Variants in ATXN10 observed in about 807,000 individuals in gnomAD.
The protein encoded by ATXN10 is ataxin 10.
Under a neutral mutation model 52.9 loss-of-function variants are expected in ATXN10, and 28 were observed. That is an observed-to-expected ratio of 0.53 (90% confidence interval 0.39 to 0.73). ATXN10 has a LOEUF of 0.73. Among genes scored for constraint, ATXN10 ranks in the 30% least tolerant of loss-of-function variants. The pLI, the probability that ATXN10 is intolerant of heterozygous loss-of-function variation, is 0.00. For synonymous variants in ATXN10, 226 were observed against 221.5 expected (o/e 1.02, Z -0.18); for missense variants, 565 against 577.0 (o/e 0.98, Z 0.21).
In ATXN10 at chr22:45,696,949, C is replaced by T. The variant is rs1923632193; in HGVS notation, c.392-3333C>T. 6.6e-6 allele frequency among the ~76,000 whole-genome samples: 1 copy of T among 152,170 alleles called. No homozygotes were observed. Among genetic ancestry groups the T allele is most frequent in the Admixed American group, 6.5e-5 (1 of 15,286 alleles). ...ATTCACTAGGCAGAGAGGGCAGATTCTTACAGACCTGTTACATGTTAGCTG... is the reference window on the plus strand; with the variant it reads ...ATTCACTAGGCAGAGAGGGCAGATTTTTACAGACCTGTTACATGTTAGCTG... On this transcript the variant is annotated intron_variant, in intron 3 of 11. Transcript: ENST00000252934. The surrounding 1 kb of genome is among the most constrained non-coding windows in gnomAD (Gnocchi z 4.7).
At chr22:45,743,661 C>G (rs561520833) in intron 9 of ATXN10, among the ~76,000 whole-genome samples, 3 of 152,160 alleles carry the variant, frequency 2.0e-5, no homozygotes, top group Non-Finnish European at 1.5e-5. Context: ...TATCATCTAG[C>G]CTAATTTGGG....
chr22:45,788,379 A>G (rs1276869070), intron 9 of ATXN10, among the ~76,000 whole-genome samples: 1 of 151,474 alleles, frequency 6.6e-6, no homozygotes, highest in East Asian at 1.9e-4. Flanking sequence ...GACTCTTAGA[A>G]TCTTCCAGTT....
At chr22:45,724,325 C>T (rs913998936) in intron 6 of ATXN10, among the ~76,000 whole-genome samples, 2 of 152,244 alleles carry the variant, frequency 1.3e-5, no homozygotes, top group East Asian at 1.9e-4. Context: ...TCCATGGCAA[C>T]ATCTGTTGTT....
In ATXN10 at chr22:45,823,530, A is replaced by G. The variant is rs1037590382; in HGVS notation, c.1237+16508A>G. 1.3e-5 allele frequency among the ~76,000 whole-genome samples: 2 copies of G among 152,054 alleles called. No homozygotes were observed. Among genetic ancestry groups the G allele is most frequent in the East Asian group, 1.9e-4 (1 of 5,188 alleles). The stretch of plus-strand genomic sequence containing the variant: ...CTGCAGGACCGCCTTGTCATAAATC[A>G]TTGTCCTACAGGCATGATTCTGTTT... On this transcript the variant is annotated intron_variant, in intron 10 of 11. Transcript: ENST00000252934. This position sits in a 1 kb window ranked among gnomAD's most constrained non-coding sequence, Gnocchi z 4.9.
rs972475153 is a variant in ATXN10, at chr22:45,775,273, T to C, written c.1174-31686T>C. ...AGGCTACTGGTCCTGGGCATGGGGC[T>C]GTGTCCCTGTCCCTGTGTTCACATC... On this transcript the variant is annotated intron_variant, in intron 9 of 11. Coordinates refer to ENST00000252934, the MANE Select transcript of ATXN10 (RefSeq NM_013236.4). The surrounding 1 kb of genome is among the most constrained non-coding windows in gnomAD (Gnocchi z 4.7). Among the ~76,000 whole-genome samples, 5 of 152,322 alleles carry C rather than the reference T, an allele frequency of 3.3e-5. No homozygotes were observed. The highest frequency in any genetic ancestry group is 4.8e-5 in the African/African-American group (2 of 41,574).
chr22:45,810,472 A>G (rs368348603), intron 10 of ATXN10, among the ~76,000 whole-genome samples: 2 of 152,256 alleles, frequency 1.3e-5, no homozygotes, highest in Non-Finnish European at 2.9e-5. Flanking sequence ...ACATACATGT[A>G]TATACCTGTA....
chr22:45,729,683 C>A, intron 7 of ATXN10, 93 bp downstream of exon 7: 1 of 1,366,858 alleles, frequency 7.3e-7, no homozygotes, highest in Non-Finnish European at 1.0e-6. Flanking sequence ...TTTTTAAAAG[C>A]TTTAAAAAAT....
At chr22:45,745,706 A>T (rs1243663926) in intron 9 of ATXN10, among the ~76,000 whole-genome samples, 1 of 152,198 alleles carries the variant, frequency 6.6e-6, no homozygotes, top group Non-Finnish European at 1.5e-5. Flanking sequence ...TACTCCCAGC[A>T]TCTAAATTGT....
At chr22:45,760,680 C>T (rs1229104957) in intron 9 of ATXN10, 4 of 154,028 alleles carry the variant, frequency 2.6e-5, no homozygotes, top group Non-Finnish European at 5.9e-5. Context: ...TCGTCTCTTA[C>T]CTCATTTAAT....
At position 45,701,344 on chromosome 22, in the gene ATXN10, C is replaced by G. The variant is rs556251874; in HGVS notation, c.488+966C>G. Among the ~76,000 whole-genome samples the G allele has an allele frequency of 2.6e-5, 4 of 152,290 alleles. No homozygotes were observed. The highest frequency in any genetic ancestry group is 6.5e-5 in the Admixed American group (1 of 15,302). ...CATTGCTGCCATCTGGATCTAAAGCCTATCTATGCTCATTGTAAATACTGT... is the reference window on the plus strand; with the variant it reads ...CATTGCTGCCATCTGGATCTAAAGCGTATCTATGCTCATTGTAAATACTGT... On this transcript the variant is annotated intron_variant, in intron 4 of 11. Transcript: ENST00000252934. The surrounding 1 kb of genome is among the most constrained non-coding windows in gnomAD (Gnocchi z 4.2).
At position 45,688,612 on chromosome 22, in the gene ATXN10, A is replaced by G. The variant is rs540561502; in HGVS notation, c.117-1100A>G. ...CTCTGCCCCCGGAAAAGGGGCTTCC[A>G]TAGGTGTCTTCTGCGGCAACTGAGC... On this transcript the variant is annotated intron_variant, in intron 1 of 11. Transcript: ENST00000252934. The surrounding 1 kb of genome is among the most constrained non-coding windows in gnomAD (Gnocchi z 4.0). 1.3e-5 allele frequency among the ~76,000 whole-genome samples: 2 copies of G among 152,230 alleles called. No individual in the cohort carries two copies. The highest frequency in any genetic ancestry group is 1.9e-4 in the East Asian group (1 of 5,198).
Position 45,845,089 on chromosome 22 carries a change from T to C in ATXN10, c.*1418T>C, listed in dbSNP as rs773084214. On this transcript the variant is annotated 3_prime_UTR_variant, in exon 12 of 12. Coordinates refer to ENST00000252934, the MANE Select transcript of ATXN10 (RefSeq NM_013236.4). This position sits in a 1 kb window ranked among gnomAD's most constrained non-coding sequence, Gnocchi z 4.7. The stretch of plus-strand genomic sequence containing the variant: ...ATTACACAAAGGAGTCATTCTCTCC[T>C]GGGACATAAAGAGTTAAAGCTCTGT... 6.6e-6 allele frequency: 1 copy of C among 152,220 alleles called. No homozygotes were observed. Among genetic ancestry groups the C allele is most frequent in the Non-Finnish European group, 1.5e-5 (1 of 68,040 alleles). The allele number at this position is 152,220 out of a possible 1,614,324, so 9.4% of individuals were successfully genotyped here.
rs1925134961 is a variant in ATXN10 at position 45,732,654 on chromosome 22, T to C, written c.894+3064T>C. Among the ~76,000 whole-genome samples the C allele has an allele frequency of 6.6e-6, 1 of 152,064 alleles. No individual in the cohort carries two copies. Among genetic ancestry groups the C allele is most frequent in the Non-Finnish European group, 1.5e-5 (1 of 68,010 alleles). The stretch of plus-strand genomic sequence containing the variant: ...ACCAAGTGCTATACTGGAGCTGGCC[T>C]GTGGTGACTTCTAAGAGTTGATTAT... On this transcript the variant is annotated intron_variant, in intron 7 of 11. Coordinates refer to ENST00000252934, the MANE Select transcript of ATXN10 (RefSeq NM_013236.4). The surrounding 1 kb of genome is among the most constrained non-coding windows in gnomAD (Gnocchi z 4.5).
At chr22:45,686,123 C>A (rs1328051643) in intron 1 of ATXN10, among the ~76,000 whole-genome samples, 1 of 152,148 alleles carries the variant, frequency 6.6e-6, no homozygotes, top group Non-Finnish European at 1.5e-5. Flanking sequence ...GCCTCACTTT[C>A]CCCTTTCTGT....
Position 45,718,642 on chromosome 22 carries a change from T to TAACC in ATXN10, c.728+152_728+153insCAAC. 1 of 800,404 alleles carries TAACC rather than the reference T, an allele frequency of 1.2e-6. No homozygotes were observed. Among genetic ancestry groups the TAACC allele is most frequent in the Non-Finnish European group, 2.1e-6 (1 of 465,978 alleles). The allele number at this position is 800,404 out of a possible 1,614,324, so 49.6% of individuals were successfully genotyped here. On this transcript the variant is annotated intron_variant, in intron 6 of 11. Coordinates refer to ENST00000252934, the MANE Select transcript of ATXN10 (RefSeq NM_013236.4). This position sits in a 1 kb window ranked among gnomAD's most constrained non-coding sequence, Gnocchi z 4.4. ...TGGTAATGGTTTTAAATTGGTTGGT[T>TAACC]AACATTACAGCTTAGCCACAGTAGG...
At chr22:45,797,246 G>C (rs1340923303) in intron 9 of ATXN10, among the ~76,000 whole-genome samples, 1 of 152,180 alleles carries the variant, frequency 6.6e-6, no homozygotes, top group Non-Finnish European at 1.5e-5. Context: ...AGTGAACACT[G>C]CACCAATAAC....
Position 45,708,002 on chromosome 22 carries a change from GTTTTC to G in ATXN10, c.647+5163_647+5167del, listed in dbSNP as rs1924107110. On this transcript the variant is annotated intron_variant, in intron 5 of 11. Transcript: ENST00000252934. This position sits in a 1 kb window ranked among gnomAD's most constrained non-coding sequence, Gnocchi z 5.3. ...GTCTTAGAATTCATGGTTTCATTAT[GTTTTC>G]TTTTCTTCCTTTGCTTGTTTCTTAG... 6.6e-6 allele frequency among the ~76,000 whole-genome samples: 1 copy of G among 152,106 alleles called. No individual in the cohort carries two copies. The highest frequency in any genetic ancestry group is 1.5e-5 in the Non-Finnish European group (1 of 68,020).
At chr22:45,767,337 T>C (rs1265829606) in intron 9 of ATXN10, among the ~76,000 whole-genome samples, 1 of 152,026 alleles carries the variant, frequency 6.6e-6, no homozygotes, top group Non-Finnish European at 1.5e-5. Context: ...CGCAAAACAT[T>C]TTTATAGTAT....
At position 45,780,186 on chromosome 22, in the gene ATXN10, C is replaced by T. The variant is rs539426118; in HGVS notation, c.1174-26773C>T. On this transcript the variant is annotated intron_variant, in intron 9 of 11. Coordinates refer to ENST00000252934, the MANE Select transcript of ATXN10 (RefSeq NM_013236.4). This position sits in a 1 kb window ranked among gnomAD's most constrained non-coding sequence, Gnocchi z 4.0. Reference sequence around the variant, plus strand: ...GCAACCTCCACCTCCCAGGTTCAAGCGATTACCCTGCTTCAGCCTCCTGAG... The same window carrying T: ...GCAACCTCCACCTCCCAGGTTCAAGTGATTACCCTGCTTCAGCCTCCTGAG... 1.6e-4 allele frequency among the ~76,000 whole-genome samples: 25 copies of T among 152,068 alleles called. No homozygotes were observed. The South Asian group carries it at 2.1e-3, about 13-fold the overall frequency.
Sources: allele counts gnomAD v4.1 joint callset (sites outside exome capture counted in the v4.1 genomes callset), GRCh38; gene constraint gnomAD v4.1.1; non-coding constraint Gnocchi (gnomAD v3.1); transcripts MANE v1.5; gene names NCBI Gene and HGNC (gene_info 2026-07-23, HGNC 2026-07-21).